Variants in PDXDC1 observed in about 807,000 individuals in gnomAD.
PDXDC1 encodes pyridoxal dependent decarboxylase domain containing 1, also known as pyridoxal-dependent decarboxylase domain-containing protein 1.
A neutral mutation model predicts 100.1 loss-of-function variants in PDXDC1; 42 were observed. The observed-to-expected ratio is 0.42, with a 90% CI of 0.33 to 0.54. The LOEUF (loss-of-function observed/expected upper bound fraction) is 0.54, where lower values mean the gene tolerates loss of function less well. Among genes scored for constraint, PDXDC1 ranks in the 20% least tolerant of loss-of-function variants. The pLI is 0.10. For synonymous variants in PDXDC1, 260 were observed against 371.7 expected (o/e 0.70, Z 3.46); for missense variants, 636 against 979.2 (o/e 0.65, Z 4.68).
chr16:15,033,151 C>A, intron 18 of PDXDC1, 127 bp from the exon 19 acceptor site: 2 of 1,149,798 alleles, frequency 1.7e-6, no homozygotes, highest in South Asian at 1.4e-5. Context: ...GCCTTTCTCT[C>A]CGCCCTTAGA....
chr16:15,085,982 G>T (rs973225981), intron 16 of PDXDC1: 2 of 673,448 alleles, frequency 3.0e-6, no homozygotes, highest in Non-Finnish European at 2.6e-6. Context: ...CTCCATAGGG[G>T]TCATTACGGG....
rs2042883680 is a variant in PDXDC1, at chr16:15,029,383, C to A, written c.1293+417C>A. 2.2e-5 allele frequency: 10 copies of A among 458,952 alleles called. No individual in the cohort carries two copies. In the South Asian group the frequency reaches 2.9e-4, roughly 13 times the overall value. The allele number at this position is 458,952 out of a possible 1,614,324, so 28.4% of individuals were successfully genotyped here. On this transcript the variant is annotated intron_variant, in intron 15 of 22. Transcript: ENST00000396410. Reference sequence around the variant, plus strand: ...TGAATAGCAGCTCTAGGATTTGAGTCTGAAGGGTCTTGTGAACAGTGTGGG... The same window carrying A: ...TGAATAGCAGCTCTAGGATTTGAGTATGAAGGGTCTTGTGAACAGTGTGGG...
chr16:14,980,722 CCCAAAGTTCT>C (rs1967773280), intron 1 of PDXDC1, among the ~76,000 whole-genome samples: 1 of 152,264 alleles, frequency 6.6e-6, no homozygotes, highest in Non-Finnish European at 1.5e-5. Flanking sequence ...ACCTCAGCCT[CCCAAAGTTCT>C]GGGATTACAG....
At chr16:14,995,112 C>T (rs1306709590) in intron 1 of PDXDC1, among the ~76,000 whole-genome samples, 2 of 152,294 alleles carry the variant, frequency 1.3e-5, no homozygotes, top group Non-Finnish European at 2.9e-5. Context: ...TTCCTCTTTT[C>T]CTAATTGAAT....
At chr16:15,076,978 C>A (rs1409469066) in intron 16 of PDXDC1, among the ~76,000 whole-genome samples, 2 of 80,064 alleles carry the variant, frequency 2.5e-5, no homozygotes, top group South Asian at 4.5e-4. Context: ...CCACCCAAAT[C>A]ACTTTTTTTT....
intron 16 of PDXDC1, among the ~76,000 whole-genome samples, chr16:15,082,961 T>A (rs1458052602): frequency 1.3e-5 from 2 of 152,204 alleles, no homozygotes; most frequent in African/African-American, 4.8e-5. Context: ...ACTACAGATA[T>A]TCCTGAAATG....
At chr16:15,073,813 C>A (rs971040151) in intron 16 of PDXDC1, among the ~76,000 whole-genome samples, 1 of 151,946 alleles carries the variant, frequency 6.6e-6, no homozygotes, top group Non-Finnish European at 1.5e-5. Context: ...GAGATGGGGT[C>A]TTGTTATGTT....
At chr16:15,131,424 G>C (rs1343030659) in intron 16 of PDXDC1, 1 of 1,608,032 alleles carries the variant, frequency 6.2e-7, no homozygotes, top group African/African-American at 1.3e-5. Context: ...GGTTAGCCGG[G>C]GCCCTGCTGA....
intron 16 of PDXDC1, chr16:15,060,064 C>T (rs894593047): frequency 2.6e-5 from 7 of 267,012 alleles, no homozygotes; most frequent in African/African-American, 9.3e-5. Flanking sequence ...GGTATAAGAA[C>T]GTAAGTTCCA....
chr16:15,090,882 T>C (rs569096535), intron 16 of PDXDC1, among the ~76,000 whole-genome samples: 1 of 151,990 alleles, frequency 6.6e-6, no homozygotes, highest in East Asian at 1.9e-4. Flanking sequence ...TGTTTTTTTT[T>C]TTTTTTTGCT....
At chr16:15,060,379 A>C in intron 16 of PDXDC1, 1 of 196,128 alleles carries the variant, frequency 5.1e-6, no homozygotes. Context: ...TTTTCCAAAA[A>C]AGTATTTACA....
chr16:15,011,019 C>CCA (rs1380818613), intron 8 of PDXDC1, among the ~76,000 whole-genome samples: 5 of 152,408 alleles, frequency 3.3e-5, no homozygotes, highest in African/African-American at 1.2e-4. Flanking sequence ...TCTGTAGATT[C>CCA]AACTTGATCC....
At chr16:15,032,778 T>C (rs1192902797) in intron 17 of PDXDC1, 83 bp from the exon 18 acceptor site, 4 of 832,408 alleles carry the variant, frequency 4.8e-6, no homozygotes, top group African/African-American at 1.7e-5. Context: ...ATTGTCTTGC[T>C]AATATTTAGA....
chr16:15,034,627 C>G, intron 21 of PDXDC1, 74 bp downstream of exon 21: 1 of 1,060,428 alleles, frequency 9.4e-7, no homozygotes, highest in Non-Finnish European at 1.5e-6. Flanking sequence ...GGTCCCAACA[C>G]TTCCCACTGA....
intron 16 of PDXDC1, chr16:15,132,711 G>A: frequency 1.0e-6 from 1 of 956,772 alleles, no homozygotes; most frequent in East Asian, 2.5e-5. Context: ...AGCATGTGGG[G>A]CCATCCTACC....
chr16:15,047,559 C>A, intron 16 of PDXDC1: 1 of 1,600,782 alleles, frequency 6.2e-7, no homozygotes, highest in South Asian at 1.1e-5. Context: ...ACCTGAAGAA[C>A]AAGGGTGAAA....
chr16:14,996,791 A>T (rs555298663), intron 1 of PDXDC1, among the ~76,000 whole-genome samples: 2 of 152,414 alleles, frequency 1.3e-5, no homozygotes, highest in East Asian at 3.9e-4. Context: ...CTGGAGGTCA[A>T]GGCTGCAGTG....
intron 16 of PDXDC1, chr16:15,136,127 G>A: frequency 2.6e-6 from 4 of 1,511,424 alleles, no homozygotes; most frequent in Admixed American, 1.8e-5. Context: ...CACACGTCTA[G>A]GCTCCTGGGG....
intron 15 of PDXDC1, chr16:15,029,640 G>A (rs2042904235): frequency 5.9e-6 from 3 of 506,580 alleles, no homozygotes; most frequent in Non-Finnish European, 1.0e-5. Flanking sequence ...CCGCCACTAG[G>A]AGAAAAGACG....
Sources: allele counts gnomAD v4.1 joint callset (sites outside exome capture counted in the v4.1 genomes callset), GRCh38; gene constraint gnomAD v4.1.1; transcripts MANE v1.5; gene names NCBI Gene and HGNC (gene_info 2026-07-23, HGNC 2026-07-21).